The following MTA3 variants were observed in gnomAD, a reference collection of about 807,000 sequenced individuals.
MTA3 encodes the protein metastasis-associated protein MTA3.
MTA3 carries 34 observed loss-of-function variants against 83.5 expected under a neutral mutation model. That is an observed-to-expected ratio of 0.41 (90% confidence interval 0.31 to 0.54). MTA3 has a LOEUF of 0.54. Ranked by LOEUF, MTA3 falls within the 20% of genes least tolerant of loss-of-function variation. The pLI is 0.33. For missense variants in MTA3, 761 were observed against 726.4 expected, an observed-to-expected ratio of 1.05 and a Z score of -0.55; for synonymous variants, 303 against 252.7, an observed-to-expected ratio of 1.20 and a Z score of -1.89.
At chr2:42,679,507 C>T (rs1260059391) in intron 8 of MTA3, among the ~76,000 whole-genome samples, 2 of 152,166 alleles carry the variant, frequency 1.3e-5, no homozygotes, top group African/African-American at 2.4e-5. Context: ...AGAAGGAAAA[C>T]GTGGTGTCAG....
chr2:42,598,729 A>G (rs1682159632), intron 3 of MTA3, among the ~76,000 whole-genome samples: 1 of 152,204 alleles, frequency 6.6e-6, no homozygotes, highest in African/African-American at 2.4e-5. Context: ...GGGACTCATT[A>G]ATACTTTCTA....
chr2:42,623,873 A>C (rs767892298), intron 4 of MTA3, among the ~76,000 whole-genome samples: 1 of 151,990 alleles, frequency 6.6e-6, no homozygotes, highest in East Asian at 1.9e-4. Context: ...TTGTATTTTA[A>C]GTAGAGACGG....
intron 16 of MTA3, among the ~76,000 whole-genome samples, chr2:42,740,196 C>G (rs1668926070): frequency 6.6e-6 from 1 of 152,236 alleles, no homozygotes; most frequent in South Asian, 2.1e-4. Flanking sequence ...AATGTATTTC[C>G]TGAATAAGAC....
intron 1 of MTA3, among the ~76,000 whole-genome samples, 187 bp downstream of exon 1, chr2:42,568,960 C>G (rs1433453176): frequency 6.6e-6 from 1 of 151,678 alleles, no homozygotes; most frequent in Non-Finnish European, 1.5e-5. Flanking sequence ...TCCCCCCACG[C>G]GGGCTCGCGA....
rs138003591 is a variant in MTA3 at position 42,685,309 on chromosome 2, A to G, written c.891+2720A>G. Among the ~76,000 whole-genome samples the G allele has an allele frequency of 1.6e-3, 248 of 152,324 alleles. 4 individuals carry two copies. In the East Asian group the frequency reaches 0.036, roughly 22 times the overall value. ...ATTAGTTTTTCTTTTGTTTTACCCT[A>G]GCTTGTTTCAATAGAGAGCTTATTG... On this transcript the variant is annotated intron_variant, in intron 9 of 16. Coordinates refer to ENST00000405094, the MANE Select transcript of MTA3 (RefSeq NM_001330442.2).
At chr2:42,639,035 A>C (rs1221453103) in intron 4 of MTA3, among the ~76,000 whole-genome samples, 1 of 151,288 alleles carries the variant, frequency 6.6e-6, no homozygotes, top group South Asian at 2.1e-4. Flanking sequence ...ATCCAACAGC[A>C]AGCTTTTCTA....
intron 4 of MTA3, among the ~76,000 whole-genome samples, chr2:42,619,644 G>A (rs1685307415): frequency 1.3e-5 from 2 of 152,168 alleles, no homozygotes; most frequent in Non-Finnish European, 2.9e-5. Flanking sequence ...GATTGTGTGT[G>A]TATGTATAAA....
chr2:42,569,301 T>C (rs1678197682), intron 1 of MTA3: 1 of 152,388 alleles, frequency 6.6e-6, no homozygotes, highest in African/African-American at 2.4e-5. Context: ...CTCCTTTTCG[T>C]TTCTGGTCCA....
Position 42,633,292 on chromosome 2 carries a change from A to G in MTA3, c.318-6881A>G, listed in dbSNP as rs192536132. Among the ~76,000 whole-genome samples the G allele has an allele frequency of 2.2e-3, 334 of 151,406 alleles. 2 individuals are homozygous for G. The highest frequency in any genetic ancestry group is 0.014 in the Middle Eastern group (4 of 292). ...AAGTCTGTCTCAAAAAAAAAAAAGC[A>G]GAGGTCCAGGGTCGGGTTTGATGGC... is the stretch of plus-strand genomic sequence containing the variant. On this transcript the variant is annotated intron_variant, in intron 4 of 16. Transcript: ENST00000405094.
chr2:42,498,283 A>G (rs1024427590), intron 2 of MTA3, among the ~76,000 whole-genome samples: 1 of 152,198 alleles, frequency 6.6e-6, no homozygotes, highest in African/African-American at 2.4e-5. Flanking sequence ...TCTCATTTTA[A>G]AATATAAAAG....
chr2:42,570,439 T>G lies in MTA3; in HGVS notation c.31T>G (p.Tyr11Asp). The G allele has an allele frequency of 6.5e-7, 1 of 1,528,820 alleles. No individual in the cohort carries two copies. The highest frequency in any genetic ancestry group is 8.9e-7 in the Non-Finnish European group (1 of 1,125,794). The allele number at this position is 1,528,820 out of a possible 1,614,324, so 94.7% of individuals were successfully genotyped here. MAANMYRVGD[Y>D]VYFENSSSNP... The stretch of plus-strand genomic sequence containing the variant: ...TTCTGTACTTCCTTTAATTACAGAT[T>G]ATGTCTACTTTGAGAATTCCTCCAG... The change falls in exon 2 of 17, where the codon TAT becomes GAT. Residue 11 changes from tyrosine to aspartate, a missense_variant and splice_region_variant. Transcript: ENST00000405094.
At chr2:42,674,596 CTTTTTTTTTTT>C (rs34154066) in intron 8 of MTA3, among the ~76,000 whole-genome samples, 2 of 114,332 alleles carry the variant, frequency 1.7e-5, no homozygotes, top group East Asian at 2.5e-4. Context: ...TTTTCTTCTT[CTTTTTTTTTTT>C]TTTTTTTTTT....
chr2:42,498,424 C>T (rs142425628), intron 2 of MTA3, among the ~76,000 whole-genome samples: 38 of 152,186 alleles, frequency 2.5e-4, no homozygotes, highest in African/African-American at 7.5e-4. Flanking sequence ...AGAAAGTCTC[C>T]GGTGTGGACT....
chr2:42,735,567 T>C (rs770316683), intron 16 of MTA3, among the ~76,000 whole-genome samples: 7 of 152,200 alleles, frequency 4.6e-5, no homozygotes, highest in Non-Finnish European at 7.4e-5. Context: ...TCTGTCCCTC[T>C]ACTTCCTCTT....
At chr2:42,709,195 A>G (rs1666388166) in intron 14 of MTA3, 99 bp downstream of exon 14, 5 of 1,477,084 alleles carry the variant, frequency 3.4e-6, no homozygotes, top group Admixed American at 2.6e-5. Flanking sequence ...TTTGCAATAA[A>G]CATAAGTTCT....
At chr2:42,728,995 G>T (rs1053393518) in intron 16 of MTA3, among the ~76,000 whole-genome samples, 1 of 150,586 alleles carries the variant, frequency 6.6e-6, no homozygotes, top group Non-Finnish European at 1.5e-5. Context: ...TTGGTTGCCT[G>T]TGCCTGTGGA....
At chr2:42,720,874 C>G (rs1667353440) in intron 15 of MTA3, among the ~76,000 whole-genome samples, 1 of 147,524 alleles carries the variant, frequency 6.8e-6, no homozygotes, top group Middle Eastern at 3.6e-3. Context: ...ACCGCTTGAG[C>G]CCAGGAGGCA....
At chr2:42,691,279 G>T (rs2104459598) in intron 9 of MTA3, among the ~76,000 whole-genome samples, 1 of 152,266 alleles carries the variant, frequency 6.6e-6, no homozygotes, top group South Asian at 2.1e-4. Context: ...CAAAGTGCTA[G>T]GATTACAGGC....
chr2:42,600,526 T>G (rs1344202455), intron 3 of MTA3, among the ~76,000 whole-genome samples: 2 of 151,156 alleles, frequency 1.3e-5, no homozygotes, highest in Non-Finnish European at 2.9e-5. Flanking sequence ...GCATCCCCTT[T>G]CCCATTCAGG....
Sources: gnomAD v4.1 joint callset for allele counts (sites outside exome capture counted in the v4.1 genomes callset) on GRCh38, gnomAD v4.1.1 for gene constraint, MANE v1.5 for transcripts, NCBI Gene and HGNC (gene_info 2026-07-23, HGNC 2026-07-21) for gene names.